The following CSMD1 variants were observed in gnomAD, a reference collection of about 807,000 sequenced individuals.
CSMD1 encodes CUB and Sushi multiple domains 1, also known as CUB and sushi domain-containing protein 1.
Under a neutral mutation model 417.5 loss-of-function variants are expected in CSMD1, and 213 were observed. The observed-to-expected ratio is 0.51, with a 90% CI of 0.46 to 0.57. CSMD1 has a LOEUF of 0.57. Ranked by LOEUF, CSMD1 falls within the 20% of genes least tolerant of loss-of-function variation. CSMD1 has a pLI of 0.00. For synonymous variants in CSMD1, 2,862 were observed against 1,736.8 expected (o/e 1.65, Z -16.11); for missense variants, 6,923 against 4,529.7 (o/e 1.53, Z -15.17).
intron 3 of CSMD1, among the ~76,000 whole-genome samples, chr8:4,119,663 C>G (rs561785239): frequency 4.6e-5 from 7 of 152,280 alleles, no homozygotes; most frequent in Admixed American, 3.9e-4. Context: ...CAAGCACACA[C>G]TTGCAAGCCA....
At chr8:3,796,611 G>A (rs75297283) in intron 5 of CSMD1, among the ~76,000 whole-genome samples, 4,239 of 146,414 alleles carry the variant, frequency 0.029, 77 homozygotes, top group African/African-American at 0.056. Flanking sequence ...ATAATGTATA[G>A]ATGTATAGAT....
intron 3 of CSMD1, among the ~76,000 whole-genome samples, chr8:4,069,425 T>C (rs1165035724): frequency 1.3e-5 from 2 of 152,230 alleles, no homozygotes; most frequent in Admixed American, 6.5e-5. Context: ...TGAGCATCTA[T>C]GATATTCACC....
intron 20 of CSMD1, among the ~76,000 whole-genome samples, chr8:3,359,663 A>G (rs1334200801): frequency 1.3e-5 from 2 of 152,154 alleles, no homozygotes; most frequent in Non-Finnish European, 2.9e-5. Flanking sequence ...TAGAAGGAAT[A>G]TGTTCTAATA....
intron 1 of CSMD1, among the ~76,000 whole-genome samples, chr8:4,789,083 T>C (rs373403959): frequency 6.6e-6 from 1 of 152,180 alleles, no homozygotes; most frequent in African/African-American, 2.4e-5. Flanking sequence ...AGAATCACCA[T>C]CCAGAAAAGG....
chr8:3,483,533 A>T (rs1817858951), intron 11 of CSMD1, among the ~76,000 whole-genome samples: 1 of 152,142 alleles, frequency 6.6e-6, no homozygotes, highest in Non-Finnish European at 1.5e-5. Context: ...TTCAATAGAA[A>T]ATTCTACTAA....
At chr8:4,049,930 A>G (rs1311677135) in intron 3 of CSMD1, among the ~76,000 whole-genome samples, 1 of 152,104 alleles carries the variant, frequency 6.6e-6, no homozygotes, top group Non-Finnish European at 1.5e-5. Context: ...CGGATACCAC[A>G]CTGCGTTTAC....
Position 3,087,114 on chromosome 8 carries a change from A to G in CSMD1, c.7457T>C (p.Leu2486Pro), listed in dbSNP as rs369829052. Residue 2486 changes from leucine (L) to proline (P), a missense_variant, in exon 49 of 70, where the codon CTC becomes CCC. By Grantham distance (98) the Leu-to-Pro change is moderately conservative (BLOSUM62 -3). Transcript: ENST00000635120. ...NPLGMYQWDS[L>P]TPLCQAVSCG... ...TTTCTTACCCTGGCAGAGTGGCGTG[A>G]GGGAGTCCCACTGGTACATGCCAAG... 79 of 1,613,326 alleles carry G rather than the reference A, an allele frequency of 4.9e-5. No homozygotes were observed. The highest frequency in any genetic ancestry group is 6.4e-5 in the Non-Finnish European group (75 of 1,179,870).
intron 2 of CSMD1, among the ~76,000 whole-genome samples, chr8:4,432,379 A>C (rs945103840): frequency 6.6e-6 from 1 of 152,154 alleles, no homozygotes; most frequent in Admixed American, 6.5e-5. Flanking sequence ...CTTAGTGATT[A>C]ACCTACACTA....
At chr8:3,720,988 T>TTA (rs1313296693) in intron 6 of CSMD1, among the ~76,000 whole-genome samples, 6 of 151,786 alleles carry the variant, frequency 4.0e-5, no homozygotes, top group Admixed American at 3.9e-4. Context: ...GCTAATTTAT[T>TTA]TTTTTTGTAT....
intron 5 of CSMD1, among the ~76,000 whole-genome samples, chr8:3,795,053 T>C (rs569557644): frequency 0.018 from 2,615 of 146,800 alleles, 361 homozygotes; most frequent in African/African-American, 0.043. Context: ...CTATCATGTA[T>C]AGCTATAGAT....
At chr8:4,969,701 T>C (rs867617238) in intron 1 of CSMD1, among the ~76,000 whole-genome samples, 4 of 152,206 alleles carry the variant, frequency 2.6e-5, no homozygotes, top group Middle Eastern at 3.4e-3. Context: ...GGAGGGAAGA[T>C]TCCTGCGGCT....
intron 5 of CSMD1, among the ~76,000 whole-genome samples, chr8:3,996,514 A>G (rs2130327688): frequency 6.6e-6 from 1 of 152,236 alleles, no homozygotes; most frequent in South Asian, 2.1e-4. Context: ...TGCTTTTGGC[A>G]GAACCTGTGG....
intron 6 of CSMD1, among the ~76,000 whole-genome samples, chr8:3,731,583 T>G (rs984367095): frequency 6.6e-6 from 1 of 152,134 alleles, no homozygotes; most frequent in Admixed American, 6.5e-5. Context: ...AAATAGGTTT[T>G]TGAAAGTGAT....
intron 3 of CSMD1, among the ~76,000 whole-genome samples, chr8:4,182,394 G>A (rs956955402): frequency 6.6e-6 from 1 of 152,042 alleles, no homozygotes; most frequent in Non-Finnish European, 1.5e-5. Flanking sequence ...AAACTTATTA[G>A]AGAGATCAGT....
In CSMD1 at chr8:4,002,932, C is replaced by A. The variant is rs147972170; in HGVS notation, c.611-4822G>T. Among the ~76,000 whole-genome samples, 187 of 152,170 alleles carry A rather than the reference C, an allele frequency of 1.2e-3. 1 individual carries two copies. The highest frequency in any genetic ancestry group is 4.1e-3 in the African/African-American group (172 of 41,498). On this transcript the variant is annotated intron_variant, in intron 4 of 69. Coordinates refer to ENST00000635120, the MANE Select transcript of CSMD1 (RefSeq NM_033225.6). ...CAAATTAAGCATTATCTCAACTAAACAGAAACTGTGAATGTTACGGAAGCA... is the reference window on the plus strand; with the variant it reads ...CAAATTAAGCATTATCTCAACTAAAAAGAAACTGTGAATGTTACGGAAGCA...
At chr8:4,322,188 T>A (rs1799306271) in intron 3 of CSMD1, among the ~76,000 whole-genome samples, 2 of 152,226 alleles carry the variant, frequency 1.3e-5, no homozygotes, top group African/African-American at 4.8e-5. Flanking sequence ...ATTTTAACAA[T>A]TTCCTTTCAC....
chr8:4,302,035 G>C (rs1418544642), intron 3 of CSMD1, among the ~76,000 whole-genome samples: 2 of 152,076 alleles, frequency 1.3e-5, no homozygotes, highest in Non-Finnish European at 2.9e-5. Context: ...AATATTTTTT[G>C]AAATCCCTAA....
intron 3 of CSMD1, among the ~76,000 whole-genome samples, chr8:4,368,333 C>G (rs1171453902): frequency 6.6e-6 from 1 of 152,092 alleles, no homozygotes; most frequent in East Asian, 1.9e-4. Context: ...CACAGGTATA[C>G]AGCCTACTTT....
intron 11 of CSMD1, among the ~76,000 whole-genome samples, chr8:3,476,162 G>C (rs1414557804): frequency 2.0e-5 from 3 of 152,200 alleles, no homozygotes; most frequent in Non-Finnish European, 4.4e-5. Context: ...GCGCAACATA[G>C]CGAGGCCTTG....
Sources: allele counts gnomAD v4.1 joint callset (sites outside exome capture counted in the v4.1 genomes callset), GRCh38; gene constraint gnomAD v4.1.1; transcripts MANE v1.5; gene names NCBI Gene and HGNC (gene_info 2026-07-23, HGNC 2026-07-21).